ANO3: variants seen among roughly 807,000 people sequenced by gnomAD.
The protein encoded by ANO3 is anoctamin 3, also known as anoctamin-3.
In ANO3, 99 loss-of-function variants were observed where a neutral mutation model predicts 144.8. That is an observed-to-expected ratio of 0.68 (90% CI 0.58 to 0.81). ANO3 has a LOEUF of 0.81. Among genes scored for constraint, ANO3 ranks in the 30% least tolerant of loss-of-function variants. ANO3 has a pLI of 0.00. For synonymous variants in ANO3, 414 were observed against 392.6 expected, an observed-to-expected ratio of 1.05 and a Z score of -0.64; for missense variants, 905 against 1,202.2, an observed-to-expected ratio of 0.75 and a Z score of 3.66.
intron 1 of ANO3, among the ~76,000 whole-genome samples, chr11:26,315,863 T>C (rs1005354737): frequency 1.3e-5 from 2 of 152,172 alleles, no homozygotes; most frequent in African/African-American, 4.8e-5. Context: ...CACTGCCTTA[T>C]AACCTTAAAA....
intron 11 of ANO3, among the ~76,000 whole-genome samples, chr11:26,542,470 C>T (rs1369879556): frequency 6.6e-6 from 1 of 152,004 alleles, no homozygotes; most frequent in Non-Finnish European, 1.5e-5. Flanking sequence ...TTATCTCTTC[C>T]TTCTACCTTT....
chr11:26,449,623 G>A (rs1046935278), intron 3 of ANO3, among the ~76,000 whole-genome samples: 1 of 151,858 alleles, frequency 6.6e-6, no homozygotes, highest in Non-Finnish European at 1.5e-5. Context: ...ATGAGTTAGT[G>A]CTTTGTTAAT....
chr11:26,273,559 G>A (rs1440769317), intron 1 of ANO3, among the ~76,000 whole-genome samples: 1 of 151,348 alleles, frequency 6.6e-6, no homozygotes, highest in Non-Finnish European at 1.5e-5. Context: ...AACTGAGCAT[G>A]GATGTTTTGC....
At chr11:26,488,605 C>T (rs1860564886) in intron 4 of ANO3, among the ~76,000 whole-genome samples, 1 of 152,102 alleles carries the variant, frequency 6.6e-6, no homozygotes, top group Non-Finnish European at 1.5e-5. Flanking sequence ...CAGACCTTTG[C>T]AGTGAGTGAT....
At chr11:26,422,499 T>G (rs1857782110) in intron 1 of ANO3, among the ~76,000 whole-genome samples, 2 of 152,018 alleles carry the variant, frequency 1.3e-5, no homozygotes, top group Non-Finnish European at 2.9e-5. Context: ...ATGGGAACAC[T>G]TATGAAGTGT....
At chr11:26,300,356 T>C (rs1854198298) in intron 1 of ANO3, among the ~76,000 whole-genome samples, 1 of 152,114 alleles carries the variant, frequency 6.6e-6, no homozygotes, top group Non-Finnish European at 1.5e-5. Flanking sequence ...TCTCTCTCTC[T>C]CATTTGCTCT....
chr11:26,536,155 C>G (rs112442513), intron 9 of ANO3, among the ~76,000 whole-genome samples: 6,506 of 151,700 alleles, frequency 0.043, 339 homozygotes, highest in African/African-American at 0.13. Flanking sequence ...CCCGTCTTTA[C>G]TAAAAATACA....
At chr11:26,637,248 C>A (rs1852990403) in intron 20 of ANO3, among the ~76,000 whole-genome samples, 1 of 152,186 alleles carries the variant, frequency 6.6e-6, no homozygotes, top group Non-Finnish European at 1.5e-5. Flanking sequence ...CTTCCAGCCA[C>A]CCCACTTTGG....
chr11:26,492,285 G>A (rs1224998610), intron 4 of ANO3, among the ~76,000 whole-genome samples: 2 of 152,204 alleles, frequency 1.3e-5, no homozygotes, highest in Non-Finnish European at 2.9e-5. Context: ...AGTATTGATA[G>A]ATGCTTTTGC....
chr11:26,216,241 G>A (rs909541369), intron 1 of ANO3, among the ~76,000 whole-genome samples: 80 of 151,906 alleles, frequency 5.3e-4, no homozygotes, highest in African/African-American at 1.8e-3. Flanking sequence ...ATGCATAATA[G>A]CATGTATCTA....
intron 3 of ANO3, among the ~76,000 whole-genome samples, chr11:26,456,332 A>G (rs1859159361): frequency 6.6e-6 from 1 of 152,202 alleles, no homozygotes; most frequent in Non-Finnish European, 1.5e-5. Flanking sequence ...TCATCTGACA[A>G]AGGGCTAATA....
chr11:26,415,526 A>G (rs1857559327), intron 1 of ANO3, among the ~76,000 whole-genome samples: 1 of 152,144 alleles, frequency 6.6e-6, no homozygotes, highest in Non-Finnish European at 1.5e-5. Context: ...AACAGCTAGT[A>G]GGACAGTCTT....
intron 1 of ANO3, among the ~76,000 whole-genome samples, chr11:26,216,823 T>C (rs1373350985): frequency 6.6e-6 from 1 of 152,042 alleles, no homozygotes; most frequent in Non-Finnish European, 1.5e-5. Context: ...AACAACAAGA[T>C]GTTGGAAATA....
chr11:26,379,331 T>C (rs754520387), intron 1 of ANO3, among the ~76,000 whole-genome samples: 4 of 152,200 alleles, frequency 2.6e-5, no homozygotes, highest in African/African-American at 4.8e-5. Flanking sequence ...GTTTAAACAG[T>C]AGTGTGATGT....
chr11:26,496,648 G>T (rs539662090), intron 4 of ANO3, among the ~76,000 whole-genome samples: 1 of 152,132 alleles, frequency 6.6e-6, no homozygotes, highest in African/African-American at 2.4e-5. Context: ...AGTGTACATC[G>T]TACCTATTAG....
chr11:26,220,639 C>A (rs1181631232), intron 1 of ANO3, among the ~76,000 whole-genome samples: 1 of 152,198 alleles, frequency 6.6e-6, no homozygotes, highest in East Asian at 1.9e-4. Context: ...CAATATCTGC[C>A]ATGGTCAGGG....
At chr11:26,595,999 T>TG in intron 14 of ANO3, among the ~76,000 whole-genome samples, 1 of 152,308 alleles carries the variant, frequency 6.6e-6, no homozygotes, top group South Asian at 2.1e-4. Context: ...AGGAAGGCTA[T>TG]GGGTTGTCAG....
At chr11:26,581,695 A>T (rs1378923177) in intron 14 of ANO3, among the ~76,000 whole-genome samples, 1 of 150,012 alleles carries the variant, frequency 6.7e-6, no homozygotes, top group African/African-American at 2.4e-5. Context: ...TCTCAAAAAA[A>T]AAAAAAAAAA....
In ANO3 at chr11:26,415,049, G is replaced by GGT. The variant is rs747260200; in HGVS notation, c.47-26864_47-26863dup. Among the ~76,000 whole-genome samples the GGT allele has an allele frequency of 8.1e-3, 758 of 93,482 alleles. 5 individuals are homozygous for GGT. The highest frequency in any genetic ancestry group is 9.1e-3 in the Non-Finnish European group (423 of 46,544). 61.3% of individuals were successfully genotyped at this position (93,482 alleles called of 152,430 possible). Reference sequence around the variant, plus strand: ...GGAGCCAGATTGTATAAAAGTTATTGGTGTGTATGTGTGTGTGTGTGTGTG... The same window carrying GGT: ...GGAGCCAGATTGTATAAAAGTTATTGGTGTGTGTATGTGTGTGTGTGTGTGTG... On this transcript the variant is annotated intron_variant, in intron 1 of 26. Transcript: ENST00000256737.
Sources: gnomAD v4.1 joint callset for allele counts (sites outside exome capture counted in the v4.1 genomes callset) on GRCh38, gnomAD v4.1.1 for gene constraint, MANE v1.5 for transcripts, NCBI Gene and HGNC (gene_info 2026-07-23, HGNC 2026-07-21) for gene names.